UVSSA: variants seen among roughly 807,000 people sequenced by gnomAD.
UVSSA encodes the protein UV stimulated scaffold protein A.
In UVSSA, 72 loss-of-function variants were observed where a neutral mutation model predicts 73.9. The observed-to-expected ratio is 0.97, with a 90% CI of 0.81 to 1.19. The LOEUF is 1.19. UVSSA is among the 50% of genes most tolerant of loss of function. The pLI is 0.00. For synonymous variants in UVSSA, 454 were observed against 391.3 expected, an observed-to-expected ratio of 1.16 and a Z score of -1.89; for missense variants, 1,150 against 965.0, an observed-to-expected ratio of 1.19 and a Z score of -2.54.
At chr4:1,343,570 T>C (rs1049221935), upstream of UVSSA, among the ~76,000 whole-genome samples, 3 of 152,154 alleles carry the variant, frequency 2.0e-5, no homozygotes, top group South Asian at 2.1e-4. Flanking sequence ...AGGCAGATCA[T>C]GAGGTCAGGA....
chr4:1,363,953 G>A (rs925264382), intron 7 of UVSSA, among the ~76,000 whole-genome samples: 1 of 151,378 alleles, frequency 6.6e-6, no homozygotes, highest in African/African-American at 2.4e-5. Flanking sequence ...GCCACCTCCC[G>A]GCAGGGTGCT....
chr4:1,386,020 C>T lies in UVSSA; in HGVS notation c.*59C>T. On this transcript the variant is annotated 3_prime_UTR_variant, in exon 14 of 14. Transcript: ENST00000389851. ...TTCTCCCTCTGCCAGTGTCTCAGGA[C>T]AGCAGAGTGGGCGTGGGTCTGGGCA... 1 of 1,560,652 alleles carries T rather than the reference C, an allele frequency of 6.4e-7. No individual in the cohort carries two copies. The highest frequency in any genetic ancestry group is 1.7e-5 in the Admixed American group (1 of 59,878).
chr4:1,381,386 A>T (rs976943895), intron 12 of UVSSA, among the ~76,000 whole-genome samples: 4 of 152,220 alleles, frequency 2.6e-5, no homozygotes, highest in Admixed American at 1.3e-4. Flanking sequence ...CTCCTCAGCC[A>T]TACCCCGCAC....
chr4:1,346,794 C>T (rs1204755885), upstream of UVSSA, among the ~76,000 whole-genome samples: 1 of 152,166 alleles, frequency 6.6e-6, no homozygotes, highest in African/African-American at 2.4e-5. Context: ...TCCTTTCGGC[C>T]TCAGTTTCCC....
chr4:1,359,637 C>T (rs1043952004), intron 7 of UVSSA, among the ~76,000 whole-genome samples: 2 of 151,994 alleles, frequency 1.3e-5, no homozygotes, highest in Admixed American at 6.6e-5. Flanking sequence ...TTGTTCTCGC[C>T]GATGTTGAGT....
At chr4:1,361,738 G>C (rs1046211931) in intron 7 of UVSSA, among the ~76,000 whole-genome samples, 1 of 152,210 alleles carries the variant, frequency 6.6e-6, no homozygotes, top group Non-Finnish European at 1.5e-5. Context: ...CATCACAGCT[G>C]AGCACGTTTA....
intron 9 of UVSSA, 72 bp from the exon 10 acceptor site, chr4:1,375,962 T>G: frequency 1.3e-6 from 2 of 1,541,192 alleles, no homozygotes; most frequent in South Asian, 1.2e-5. Context: ...GCTGTGGGGG[T>G]GGGGAGGGAG....
intron 10 of UVSSA, among the ~76,000 whole-genome samples, chr4:1,378,905 A>G (rs1465600643): frequency 2.6e-5 from 4 of 152,204 alleles, no homozygotes; most frequent in Non-Finnish European, 2.9e-5. Flanking sequence ...TGGGCAGCAC[A>G]TTCTGCCTGC....
At chr4:1,380,636 C>T in intron 11 of UVSSA, 3 of 1,519,960 alleles carry the variant, frequency 2.0e-6, no homozygotes, top group Non-Finnish European at 2.6e-6. Context: ...ATGAGGGAGG[C>T]CTAGACTTTC....
chr4:1,374,108 C>T (rs548267528), intron 8 of UVSSA, among the ~76,000 whole-genome samples: 2 of 152,332 alleles, frequency 1.3e-5, no homozygotes, highest in Admixed American at 6.5e-5. Context: ...ACGCCTTGCT[C>T]GGTCTGTTTT....
chr4:1,346,468 G>C (rs944336064), upstream of UVSSA, among the ~76,000 whole-genome samples: 28 of 152,216 alleles, frequency 1.8e-4, no homozygotes, highest in Admixed American at 6.5e-5. Context: ...CCCTGCGTTC[G>C]AGGCTGCGGA....
At position 1,383,875 on chromosome 4, in the gene UVSSA, C is replaced by A. The variant is rs1719794849; in HGVS notation, c.1971C>A (p.Ser657Arg). ...KGRGKKRRYP[S>R]LTNLKAQADT... ...GGGGGAAGAAGAGGAGGTACCCCAG[C>A]CTCACCAACCTGAAGGCTCAGGCTG... Residue 657 changes from serine (S) to arginine (R), a missense_variant, in exon 13 of 14, where the codon AGC becomes AGA. Transcript: ENST00000389851. 1 of 1,613,550 alleles carries A rather than the reference C, an allele frequency of 6.2e-7. No individual in the cohort carries two copies. Among genetic ancestry groups the A allele is most frequent in the Non-Finnish European group, 8.5e-7 (1 of 1,179,986 alleles).
intron 12 of UVSSA, among the ~76,000 whole-genome samples, chr4:1,382,109 C>A (rs1400379892): frequency 1.3e-5 from 2 of 152,216 alleles, no homozygotes; most frequent in Non-Finnish European, 2.9e-5. Flanking sequence ...GCACTCTGGT[C>A]ATGAGAGGCA....
chr4:1,381,113 G>T, intron 12 of UVSSA, 125 bp downstream of exon 12: 1 of 901,974 alleles, frequency 1.1e-6, no homozygotes, highest in Non-Finnish European at 1.7e-6. Context: ...GGAGCTACAA[G>T]CCTCTCGGTC....
chr4:1,362,805 G>A (rs1716831428), intron 7 of UVSSA, among the ~76,000 whole-genome samples: 1 of 152,194 alleles, frequency 6.6e-6, no homozygotes, highest in Admixed American at 6.5e-5. Context: ...CCCTCCCTTT[G>A]GGCTCCGTGC....
At chr4:1,348,057 G>A (rs1425922036) in intron 1 of UVSSA, 33 bp from the exon 2 acceptor site, 3 of 1,509,634 alleles carry the variant, frequency 2.0e-6, no homozygotes, top group South Asian at 1.1e-5. Context: ...AATACAGATG[G>A]TGATATAGCA....
At chr4:1,376,387 C>T (rs964620922) in intron 10 of UVSSA, among the ~76,000 whole-genome samples, 5 of 152,312 alleles carry the variant, frequency 3.3e-5, no homozygotes, top group African/African-American at 4.8e-5. Context: ...CTTTCTGCTG[C>T]TGTGTCGGGG....
chr4:1,354,120 G>C (rs1040004899), intron 5 of UVSSA, among the ~76,000 whole-genome samples: 2 of 152,234 alleles, frequency 1.3e-5, no homozygotes, highest in Admixed American at 6.5e-5. Flanking sequence ...AGCCGGGCTG[G>C]GAAGCTGCTG....
At chr4:1,363,793 C>T (rs1225616893) in intron 7 of UVSSA, among the ~76,000 whole-genome samples, 1 of 152,272 alleles carries the variant, frequency 6.6e-6, no homozygotes, top group East Asian at 1.9e-4. Context: ...TTTCACAGGT[C>T]AGCGGTGGAG....
Sources: gnomAD v4.1 joint callset for allele counts (sites outside exome capture counted in the v4.1 genomes callset) on GRCh38, gnomAD v4.1.1 for gene constraint, MANE v1.5 for transcripts, NCBI Gene and HGNC (gene_info 2026-07-23, HGNC 2026-07-21) for gene names.